ARFGEF2: variants seen among roughly 807,000 people sequenced by gnomAD.
ARFGEF2 encodes ARF guanine nucleotide exchange factor 2, also known as brefeldin A-inhibited guanine nucleotide-exchange protein 2.
ARFGEF2 carries 74 observed loss-of-function variants against 219.9 expected under a neutral mutation model. That is an observed-to-expected ratio of 0.34 (90% confidence interval 0.28 to 0.41). ARFGEF2 has a LOEUF of 0.41. ARFGEF2 is among the 10% of genes least tolerant of loss of function. The pLI is 1.00. For missense variants in ARFGEF2, 1,743 were observed against 2,218.3 expected (o/e 0.79, Z 4.30); for synonymous variants, 733 against 799.2 (o/e 0.92, Z 1.40).
chr20:48,969,886 G>A (rs2091214147), intron 9 of ARFGEF2, among the ~76,000 whole-genome samples: 1 of 152,190 alleles, frequency 6.6e-6, no homozygotes, highest in Non-Finnish European at 1.5e-5. Context: ...TTACAGGATT[G>A]ATTAAATGAA....
intron 14 of ARFGEF2, among the ~76,000 whole-genome samples, chr20:48,983,700 T>G (rs1209959810): frequency 6.6e-6 from 1 of 152,180 alleles, no homozygotes; most frequent in African/African-American, 2.4e-5. Context: ...CTTGGCTTTT[T>G]TCCATCCCTC....
chr20:48,941,763 T>C, intron 2 of ARFGEF2, 101 bp from the exon 3 acceptor site: 1 of 1,550,768 alleles, frequency 6.4e-7, no homozygotes, highest in Non-Finnish European at 8.9e-7. Context: ...GGATATAGTT[T>C]GCAGGCACTT....
rs1321999991 is a variant in ARFGEF2 at position 48,953,574 on chromosome 20, C to T, written c.622C>T (p.Leu208=). 2 of 1,614,102 alleles carry T rather than the reference C, an allele frequency of 1.2e-6. No homozygotes were observed. Among genetic ancestry groups the T allele is most frequent in the East Asian group, 2.2e-5 (1 of 44,886 alleles). ...CTTTTAGTTGCAGGAGGCCAGAGAA[C>T]TGGAAAAACCAATCCAGTCAAAACC... ...ENQVLQEARE[L]EKPIQSKPQS... Residue 208 remains leucine (L), a synonymous_variant, in exon 6 of 39, where the codon CTG becomes TTG. Coordinates refer to ENST00000371917, the MANE Select transcript of ARFGEF2 (RefSeq NM_006420.3).
At chr20:48,990,447 C>A (rs866163578) in intron 20 of ARFGEF2, among the ~76,000 whole-genome samples, 1 of 152,146 alleles carries the variant, frequency 6.6e-6, no homozygotes. Flanking sequence ...GAAACTGTTA[C>A]GAAATTAGGA....
In ARFGEF2 at chr20:48,963,826, G is replaced by T. The variant is rs1600615333; in HGVS notation, c.839-4G>T. On this transcript the variant is annotated splice_region_variant and splice_polypyrimidine_tract_variant and intron_variant, in intron 6 of 38. Coordinates refer to ENST00000371917, the MANE Select transcript of ARFGEF2 (RefSeq NM_006420.3). ...GTGTTTTGTATATTTGGATGTGTGT[G>T]TAGGGACTGATGACGGAGCCCAGGA... 1 of 1,613,840 alleles carries T rather than the reference G, an allele frequency of 6.2e-7. No individual in the cohort carries two copies.
chr20:48,974,630 G>A (rs1001556345), intron 12 of ARFGEF2, 136 bp from the exon 13 acceptor site: 9 of 705,520 alleles, frequency 1.3e-5, no homozygotes, highest in Non-Finnish European at 1.8e-5. Context: ...CTTAGCTCTG[G>A]GTTTGTTTCA....
At chr20:48,928,735 C>T (rs900950649) in intron 1 of ARFGEF2, among the ~76,000 whole-genome samples, 1 of 152,112 alleles carries the variant, frequency 6.6e-6, no homozygotes, top group African/African-American at 2.4e-5. Flanking sequence ...ACCTCGTGAT[C>T]TGCCCGCCTC....
At chr20:48,972,997 A>G (rs1469630320) in intron 11 of ARFGEF2, 148 bp from the exon 12 acceptor site, 1 of 845,786 alleles carries the variant, frequency 1.2e-6, no homozygotes, top group Non-Finnish European at 1.9e-6. Context: ...CCAGCTTCCT[A>G]GTACTTCCAA....
At chr20:48,986,996 C>T (rs1377747761) in intron 16 of ARFGEF2, among the ~76,000 whole-genome samples, 3 of 152,232 alleles carry the variant, frequency 2.0e-5, no homozygotes, top group Non-Finnish European at 2.9e-5. Flanking sequence ...TGAGCTACCA[C>T]ACCTGATTGA....
chr20:48,941,287 T>G (rs865904889), intron 2 of ARFGEF2, 58 bp downstream of exon 2: 5 of 1,553,238 alleles, frequency 3.2e-6, no homozygotes, highest in African/African-American at 1.4e-5. Context: ...AGGTAGCAAC[T>G]GGGGGAGCCT....
At chr20:48,980,732 T>G (rs915524177) in intron 14 of ARFGEF2, among the ~76,000 whole-genome samples, 1 of 152,228 alleles carries the variant, frequency 6.6e-6, no homozygotes, top group Non-Finnish European at 1.5e-5. Flanking sequence ...TTTACCATTA[T>G]GTAATGGCCT....
At chr20:48,943,361 G>A (rs572730658) in intron 3 of ARFGEF2, among the ~76,000 whole-genome samples, 4 of 152,304 alleles carry the variant, frequency 2.6e-5, no homozygotes, top group East Asian at 3.9e-4. Flanking sequence ...AAGACTGACT[G>A]TATTTAGAGT....
intron 21 of ARFGEF2, among the ~76,000 whole-genome samples, chr20:48,991,718 G>T (rs2091358490): frequency 6.6e-6 from 1 of 152,094 alleles, no homozygotes; most frequent in East Asian, 1.9e-4. Flanking sequence ...TTGTTCTAGG[G>T]AAAAGTTTGG....
intron 6 of ARFGEF2, among the ~76,000 whole-genome samples, chr20:48,954,239 C>T (rs188311331): frequency 1.1e-4 from 16 of 152,234 alleles, no homozygotes; most frequent in South Asian, 6.2e-4. Flanking sequence ...GGTGGATGGA[C>T]GGATAGACAG....
rs2090842851 is a variant in ARFGEF2 at position 48,921,911 on chromosome 20, A to G, written c.22A>G (p.Ser8Gly). Residue 8 changes from serine (S) to glycine (G), a missense_variant, in exon 1 of 39, where the codon AGC becomes GGC. Around this residue, in one of 5 missense-constraint regions of ARFGEF2, gnomAD observed 394 missense variants for 426.6 expected, o/e 0.92. Coordinates refer to ENST00000371917, the MANE Select transcript of ARFGEF2 (RefSeq NM_006420.3). MQESQTK[S>G]MFVSRALEKI... ...GGCCATGCAGGAGAGCCAGACCAAGAGCATGTTCGTGTCCCGGGCCCTGGA... is the reference window on the plus strand; with the variant it reads ...GGCCATGCAGGAGAGCCAGACCAAGGGCATGTTCGTGTCCCGGGCCCTGGA... The G allele has an allele frequency of 2.6e-6, 4 of 1,551,884 alleles. No homozygotes were observed. The highest frequency in any genetic ancestry group is 2.6e-6 in the Non-Finnish European group (3 of 1,147,282).
At chr20:49,014,019 G>T in intron 30 of ARFGEF2, 59 bp downstream of exon 30, 1 of 1,608,436 alleles carries the variant, frequency 6.2e-7, no homozygotes, top group Non-Finnish European at 8.5e-7. Flanking sequence ...TTTCTGGCCG[G>T]TATTTGCCTC....
intron 16 of ARFGEF2, among the ~76,000 whole-genome samples, chr20:48,985,891 G>A (rs1439848399): frequency 6.6e-6 from 1 of 152,210 alleles, no homozygotes; most frequent in Admixed American, 6.5e-5. Flanking sequence ...CTATAAAAGA[G>A]TAGTTTCATA....
intron 25 of ARFGEF2, among the ~76,000 whole-genome samples, chr20:49,004,133 G>T (rs1357719511): frequency 2.0e-5 from 3 of 152,104 alleles, no homozygotes; most frequent in Non-Finnish European, 4.4e-5. Context: ...GATTGAGGCG[G>T]CCTGATCACT....
chr20:48,957,147 A>G (rs1307099277), intron 6 of ARFGEF2, among the ~76,000 whole-genome samples: 3 of 152,186 alleles, frequency 2.0e-5, no homozygotes, highest in African/African-American at 4.8e-5. Context: ...AGAAAGAGGA[A>G]GAGATAGGAC....
Sources: gnomAD v4.1 joint callset for allele counts (sites outside exome capture counted in the v4.1 genomes callset) on GRCh38, gnomAD v4.1.1 for gene constraint, gnomAD v4.1.1 regional missense constraint, MANE v1.5 for transcripts, NCBI Gene and HGNC (gene_info 2026-07-23, HGNC 2026-07-21) for gene names.